MTHFD1L: variants seen among roughly 807,000 people sequenced by gnomAD.
The protein encoded by MTHFD1L is methylenetetrahydrofolate dehydrogenase (NADP+ dependent) 1 like.
MTHFD1L carries 81 observed loss-of-function variants against 119.5 expected under a neutral mutation model. That is an observed-to-expected ratio of 0.68 (90% CI 0.57 to 0.82). The LOEUF (loss-of-function observed/expected upper bound fraction) is 0.82. Ranked by LOEUF, MTHFD1L falls within the 40% of genes least tolerant of loss-of-function variation. MTHFD1L has a pLI of 0.00. For synonymous variants in MTHFD1L, 430 were observed against 475.2 expected, an observed-to-expected ratio of 0.90 and a Z score of 1.24; for missense variants, 1,125 against 1,253.4, an observed-to-expected ratio of 0.90 and a Z score of 1.55.
intron 26 of MTHFD1L, among the ~76,000 whole-genome samples, chr6:151,083,453 C>T (rs1466338647): frequency 6.6e-6 from 1 of 152,218 alleles, no homozygotes; most frequent in South Asian, 2.1e-4. Context: ...ACCTCGGCCT[C>T]TCAAAGTGCT....
chr6:150,912,258 A>G (rs1243116180), intron 8 of MTHFD1L, among the ~76,000 whole-genome samples: 1 of 151,968 alleles, frequency 6.6e-6, no homozygotes, highest in African/African-American at 2.4e-5. Flanking sequence ...TATATCCTAC[A>G]AAGTCAATAT....
intron 9 of MTHFD1L, among the ~76,000 whole-genome samples, chr6:150,921,609 G>A (rs1040105526): frequency 6.6e-6 from 1 of 151,496 alleles, no homozygotes; most frequent in African/African-American, 2.4e-5. Flanking sequence ...GTACAGTGGT[G>A]TGATCTTGAC....
intron 20 of MTHFD1L, among the ~76,000 whole-genome samples, chr6:151,001,053 A>T (rs1414266248): frequency 6.6e-6 from 1 of 152,218 alleles, no homozygotes; most frequent in South Asian, 2.1e-4. Context: ...CCGTGCGCTC[A>T]TATTTCTTAA....
intron 6 of MTHFD1L, among the ~76,000 whole-genome samples, chr6:150,887,516 C>T (rs1583387015): frequency 1.3e-5 from 2 of 152,158 alleles, no homozygotes; most frequent in African/African-American, 2.4e-5. Flanking sequence ...AGTGCAGTGG[C>T]GTGATCTTGG....
intron 20 of MTHFD1L, among the ~76,000 whole-genome samples, chr6:150,997,434 G>A (rs1006677808): frequency 2.6e-5 from 4 of 152,198 alleles, no homozygotes; most frequent in Non-Finnish European, 5.9e-5. Context: ...ATCAGTGCGA[G>A]TAACAGTGAA....
At chr6:151,032,345 G>A (rs2128526248) in intron 24 of MTHFD1L, among the ~76,000 whole-genome samples, 1 of 152,266 alleles carries the variant, frequency 6.6e-6, no homozygotes, top group East Asian at 1.9e-4. Flanking sequence ...GGGGGAGCCA[G>A]TGCATCACAT....
At chr6:151,032,421 T>G (rs1306967557) in intron 24 of MTHFD1L, among the ~76,000 whole-genome samples, 2 of 151,682 alleles carry the variant, frequency 1.3e-5, no homozygotes, top group Non-Finnish European at 2.9e-5. Flanking sequence ...GAACTCAGAG[T>G]GAGAACTCAC....
intron 26 of MTHFD1L, among the ~76,000 whole-genome samples, chr6:151,073,611 T>A (rs1792172853): frequency 6.6e-6 from 1 of 151,966 alleles, no homozygotes. Flanking sequence ...GGATTTAACA[T>A]GTTAAATAGA....
At position 150,935,233 on chromosome 6, in the gene MTHFD1L, T is replaced by C. The variant is rs1219579124; in HGVS notation, c.1257-1571T>C. The stretch of plus-strand genomic sequence containing the variant: ...AATTAAGGCCACTGTGGAAGTCATA[T>C]ACCAGATGCACAGATGGCATTGTAT... On this transcript the variant is annotated intron_variant, in intron 11 of 27. Coordinates refer to ENST00000367321, the MANE Select transcript of MTHFD1L (RefSeq NM_015440.5). The C allele has an allele frequency of 1.9e-6, 3 of 1,611,822 alleles. No individual in the cohort carries two copies. The African/African-American group carries it at 4.0e-5, about 22-fold the overall frequency.
intron 20 of MTHFD1L, among the ~76,000 whole-genome samples, chr6:151,008,338 G>C (rs565555559): frequency 6.6e-6 from 1 of 152,160 alleles, no homozygotes; most frequent in East Asian, 1.9e-4. Context: ...TGGTCATACC[G>C]TCAGCATATA....
intron 20 of MTHFD1L, among the ~76,000 whole-genome samples, chr6:150,986,893 A>G (rs548941919): frequency 5.9e-5 from 9 of 152,020 alleles, no homozygotes. Context: ...GTAGAGACTG[A>G]GTTTCACCAT....
chr6:150,915,393 A>G (rs1787681292), intron 8 of MTHFD1L, among the ~76,000 whole-genome samples: 1 of 152,196 alleles, frequency 6.6e-6, no homozygotes, highest in Admixed American at 6.5e-5. Flanking sequence ...TAGATGTATC[A>G]GGAATCATAT....
intron 11 of MTHFD1L, among the ~76,000 whole-genome samples, chr6:150,927,605 C>T (rs1236324260): frequency 2.8e-4 from 42 of 151,906 alleles, no homozygotes; most frequent in Non-Finnish European, 2.9e-4. Context: ...TACAGGCATG[C>T]GCCACCATGC....
intron 26 of MTHFD1L, among the ~76,000 whole-genome samples, chr6:151,082,040 G>A (rs1459740805): frequency 6.6e-6 from 1 of 152,138 alleles, no homozygotes; most frequent in East Asian, 1.9e-4. Context: ...GATTTTCAAG[G>A]GATGAGCTTC....
At chr6:150,890,496 C>T (rs1682304421) in intron 7 of MTHFD1L, among the ~76,000 whole-genome samples, 1 of 152,088 alleles carries the variant, frequency 6.6e-6, no homozygotes, top group Non-Finnish European at 1.5e-5. Flanking sequence ...AGGACAGTAT[C>T]CCTCCCTGAG....
intron 20 of MTHFD1L, among the ~76,000 whole-genome samples, chr6:150,981,853 A>G (rs1777545309): frequency 6.6e-6 from 1 of 152,216 alleles, no homozygotes; most frequent in Non-Finnish European, 1.5e-5. Flanking sequence ...TTGGAGGCCA[A>G]GGTGGGAGGA....
intron 1 of MTHFD1L, among the ~76,000 whole-genome samples, chr6:150,871,567 T>A (rs1779511839): frequency 6.9e-6 from 1 of 145,618 alleles, no homozygotes; most frequent in Non-Finnish European, 1.5e-5. Flanking sequence ...AGTGCTGCGA[T>A]CTCGGCTCGC....
At chr6:150,998,999 T>A (rs557192926) in intron 20 of MTHFD1L, among the ~76,000 whole-genome samples, 4,686 of 113,572 alleles carry the variant, frequency 0.041, 160 homozygotes, top group African/African-American at 0.084. Context: ...TAAAAAAATA[T>A]ATATACATAT....
rs566108536 is a variant in MTHFD1L, at chr6:150,969,892, A to G, written c.2014-2055A>G. Among the ~76,000 whole-genome samples the G allele has an allele frequency of 5.3e-5, 8 of 152,332 alleles. No homozygotes were observed. The South Asian group carries it at 1.0e-3, about 20-fold the overall frequency. ...ATAGGCTGTTTTAAGATTACTTTAA[A>G]AGATATGGACCTTTTTACAAAATAA... On this transcript the variant is annotated intron_variant, in intron 19 of 27. Transcript: ENST00000367321.
Sources: allele counts gnomAD v4.1 joint callset (sites outside exome capture counted in the v4.1 genomes callset), GRCh38; gene constraint gnomAD v4.1.1; transcripts MANE v1.5; gene names NCBI Gene and HGNC (gene_info 2026-07-23, HGNC 2026-07-21).